The following MED20 variants were observed in gnomAD, a reference collection of about 807,000 sequenced individuals.
The protein encoded by MED20 is mediator of RNA polymerase II transcription subunit 20.
Under a neutral mutation model 19.7 loss-of-function variants are expected in MED20, and 19 were observed. The ratio of observed to expected loss-of-function variants is 0.96; its 90% CI spans 0.67 to 1.42. The LOEUF is 1.42. Ranked by LOEUF, MED20 falls within the 40% of genes most tolerant of loss-of-function variation. The pLI is 0.00. For missense variants in MED20, 225 were observed against 273.0 expected (o/e 0.82, Z 1.24); for synonymous variants, 105 against 104.8 (o/e 1.00, Z -0.01).
intron 2 of MED20, among the ~76,000 whole-genome samples, chr6:41,911,202 G>C (rs1442006717): frequency 6.7e-6 from 1 of 149,830 alleles, no homozygotes; most frequent in African/African-American, 2.5e-5. Flanking sequence ...CCAGGCTGTA[G>C]TGCAATGGTG....
rs1159523363 is a variant in MED20, at chr6:41,916,797, G to C, written c.157C>G (p.Leu53Val). ...CETYHTAASTLGSQGQTGKLM... is the reference protein window; with the variant it reads ...CETYHTAASTVGSQGQTGKLM... ...CCATCTCACTGACCTTGGCTGCCAAGGGTAGAGGCGGCCGTATGGTAAGTC... is the reference window on the plus strand; with the variant it reads ...CCATCTCACTGACCTTGGCTGCCAACGGTAGAGGCGGCCGTATGGTAAGTC... Residue 53 changes from leucine (L) to valine (V), a missense_variant, in exon 2 of 4, where the codon CTT becomes GTT. Leu to Val is a conservative substitution (Grantham distance 32, BLOSUM62 1). Transcript: ENST00000265350. 1 of 1,613,898 alleles carries C rather than the reference G, an allele frequency of 6.2e-7. No homozygotes were observed. Among genetic ancestry groups the C allele is most frequent in the African/African-American group, 1.3e-5 (1 of 74,908 alleles).
chr6:41,917,726 C>T (rs1466001862), intron 1 of MED20: 10 of 469,446 alleles, frequency 2.1e-5, no homozygotes, highest in Non-Finnish European at 4.4e-5. Flanking sequence ...AAAAGGGATT[C>T]CTTTTGCAAC....
intron 1 of MED20, among the ~76,000 whole-genome samples, chr6:41,919,570 G>A (rs967934719): frequency 2.6e-5 from 4 of 152,150 alleles, no homozygotes; most frequent in African/African-American, 9.7e-5. Flanking sequence ...GAAGTCCTAG[G>A]ATTCTGAAAA....
Position 41,918,924 on chromosome 6 carries a change from G to A in MED20, c.15-1985C>T, listed in dbSNP as rs796380767. On this transcript the variant is annotated intron_variant, in intron 1 of 3. Transcript: ENST00000265350. Reference sequence around the variant, plus strand: ...ATTGCGCCACTGCAGTCCGCAGTCCGGCCTGGGCGACAGAGCGAGACTCCG... The same window carrying A: ...ATTGCGCCACTGCAGTCCGCAGTCCAGCCTGGGCGACAGAGCGAGACTCCG... 4.8e-3 allele frequency among the ~76,000 whole-genome samples: 665 copies of A among 138,370 alleles called. 6 individuals are homozygous for A. Among genetic ancestry groups the A allele is most frequent in the African/African-American group, 0.017 (629 of 36,384 alleles). 90.8% of individuals were successfully genotyped at this position (138,370 alleles called of 152,430 possible).
chr6:41,907,707 T>C (rs1775091921), intron 3 of MED20, among the ~76,000 whole-genome samples: 1 of 151,650 alleles, frequency 6.6e-6, no homozygotes, highest in Non-Finnish European at 1.5e-5. Context: ...GCTCATGAGT[T>C]TTTTTCAAGA....
rs1775041543 is a variant in MED20, at chr6:41,906,197, A to G, written c.*875T>C. ...AGCAAAGTGTGGCCACAGTGATCTG[A>G]GCAATGCTCAGTCATATCTTTTTTT... is the stretch of plus-strand genomic sequence containing the variant. On this transcript the variant is annotated 3_prime_UTR_variant, in exon 4 of 4. Coordinates refer to ENST00000265350, the MANE Select transcript of MED20 (RefSeq NM_004275.5). 6.6e-6 allele frequency: 1 copy of G among 152,256 alleles called. No homozygotes were observed. Among genetic ancestry groups the G allele is most frequent in the African/African-American group, 2.4e-5 (1 of 41,456 alleles). 9.4% of individuals were successfully genotyped at this position (152,256 alleles called of 1,614,324 possible).
intron 1 of MED20, among the ~76,000 whole-genome samples, chr6:41,918,757 C>T (rs1056170114): frequency 1.3e-4 from 20 of 150,422 alleles, no homozygotes; most frequent in Admixed American, 6.6e-5. Context: ...ACCATCCTGG[C>T]TAACAAGGTG....
chr6:41,914,842 T>A (rs1299828368), intron 2 of MED20, among the ~76,000 whole-genome samples: 1 of 152,060 alleles, frequency 6.6e-6, no homozygotes, highest in African/African-American at 2.4e-5. Context: ...TCAAGGCCAA[T>A]GGTTAGGTGT....
At chr6:41,919,301 G>A (rs1437151311) in intron 1 of MED20, among the ~76,000 whole-genome samples, 1 of 152,080 alleles carries the variant, frequency 6.6e-6, no homozygotes, top group African/African-American at 2.4e-5. Context: ...TAAGGATGTA[G>A]TGCCTGTTAA....
At chr6:41,919,286 C>T (rs1045671465) in intron 1 of MED20, among the ~76,000 whole-genome samples, 2 of 152,064 alleles carry the variant, frequency 1.3e-5, no homozygotes, top group African/African-American at 4.8e-5. Flanking sequence ...ACTAGACTGC[C>T]TGTATAAGGA....
At position 41,909,437 on chromosome 6, in the gene MED20, A is replaced by C. The variant is rs1775136104; in HGVS notation, c.255T>G (p.Leu85=). The change falls in exon 3 of 4, where the codon CTT becomes CTG. Residue 85 remains leucine (L), a synonymous_variant. Coordinates refer to ENST00000265350, the MANE Select transcript of MED20 (RefSeq NM_004275.5). ...GCACATCAAAGTTGGTGTCAGCAAT[A>C]AGGCAAGGGCCATTCTCAAAGAGGG... ...CFALFENGPC[L]IADTNFDVLM... The C allele has an allele frequency of 1.9e-6, 3 of 1,614,248 alleles. No individual in the cohort carries two copies. In the South Asian group the frequency reaches 3.3e-5, roughly 18 times the overall value.
At chr6:41,911,206 A>C (rs971764844) in intron 2 of MED20, among the ~76,000 whole-genome samples, 4 of 149,980 alleles carry the variant, frequency 2.7e-5, no homozygotes, top group African/African-American at 4.9e-5. Flanking sequence ...GCTGTAGTGC[A>C]ATGGTGCAAT....
intron 1 of MED20, chr6:41,918,050 T>C (rs746829406): frequency 1.8e-5 from 5 of 272,118 alleles, no homozygotes; most frequent in South Asian, 6.4e-5. Flanking sequence ...TTTCCTCCTA[T>C]GGTGAGTGAA....
At chr6:41,914,990 G>C (rs996810646) in intron 2 of MED20, among the ~76,000 whole-genome samples, 4 of 152,180 alleles carry the variant, frequency 2.6e-5, no homozygotes, top group African/African-American at 9.7e-5. Flanking sequence ...GTTAAATGTA[G>C]ATTATGTGGC....
At chr6:41,920,490 C>T (rs1775433236) in intron 1 of MED20, among the ~76,000 whole-genome samples, 1 of 152,168 alleles carries the variant, frequency 6.6e-6, no homozygotes, top group Admixed American at 6.6e-5. Flanking sequence ...AGTACTATGG[C>T]CTCACGGGAA....
In MED20 at chr6:41,909,337, ACTGGTAC is replaced by A. The variant is rs779107046; in HGVS notation, c.348_354del (p.Arg116SerfsTer7). On this transcript the variant is annotated frameshift_variant, in exon 3 of 4. Transcript: ENST00000265350. LOFTEE classifies it high-confidence loss of function. ...CCCACCTTCACCAGGAAGTCACAGT[ACTGGTAC>A]CTGGTGCCCCGGGTCTCAATCTTGC... The A allele has an allele frequency of 6.2e-7, 1 of 1,614,098 alleles. No individual in the cohort carries two copies.
intron 2 of MED20, among the ~76,000 whole-genome samples, chr6:41,911,909 T>G (rs1279469284): frequency 3.9e-5 from 6 of 152,212 alleles, no homozygotes; most frequent in Non-Finnish European, 8.8e-5. Flanking sequence ...CTACTCACTG[T>G]AATTGCATAC....
intron 2 of MED20, among the ~76,000 whole-genome samples, chr6:41,914,574 G>A (rs1267823171): frequency 6.6e-6 from 1 of 152,122 alleles, no homozygotes. Flanking sequence ...TTAAGTTACT[G>A]CAGAGCCAAG....
chr6:41,915,744 G>C (rs1582061489), intron 2 of MED20, among the ~76,000 whole-genome samples: 1 of 148,256 alleles, frequency 6.7e-6, no homozygotes, highest in East Asian at 2.0e-4. Flanking sequence ...CCGAGATTGC[G>C]CCACTGCACT....
Sources: gnomAD v4.1 joint callset for allele counts (sites outside exome capture counted in the v4.1 genomes callset) on GRCh38, gnomAD v4.1.1 for gene constraint, MANE v1.5 for transcripts, NCBI Gene and HGNC (gene_info 2026-07-23, HGNC 2026-07-21) for gene names.